Variants in TUSC3 observed in about 807,000 individuals in gnomAD.
TUSC3 encodes the protein tumor suppressor candidate 3.
TUSC3 carries 45 observed loss-of-function variants against 44.8 expected under a neutral mutation model. The ratio of observed to expected loss-of-function variants is 1.00; its 90% CI spans 0.79 to 1.29. TUSC3 has a LOEUF of 1.29. TUSC3 is among the 50% of genes most tolerant of loss of function. TUSC3 has a pLI of 0.00. For missense variants in TUSC3, 519 were observed against 437.9 expected, an observed-to-expected ratio of 1.19 and a Z score of -1.65; for synonymous variants, 212 against 152.9, an observed-to-expected ratio of 1.39 and a Z score of -2.85.
At chr8:15,806,356 A>G in the TUSC3 span, 3 of 733,462 alleles carry the variant, frequency 4.1e-6, no homozygotes, top group Non-Finnish European at 7.8e-6. Context: ...TCTACTCTGC[A>G]TTCCAGGTAC....
the TUSC3 span, among the ~76,000 whole-genome samples, chr8:15,836,932 A>G: frequency 1.3e-5 from 2 of 152,192 alleles, no homozygotes; most frequent in Admixed American, 6.5e-5. Flanking sequence ...ACACTGTTAT[A>G]TAACTGCAAT....
intron 1 of TUSC3, among the ~76,000 whole-genome samples, chr8:15,481,024 G>A (rs1800652422): frequency 6.6e-6 from 1 of 152,096 alleles, no homozygotes; most frequent in African/African-American, 2.4e-5. Context: ...AAGGTGGGCA[G>A]ATCATTTGAG....
intron 1 of TUSC3, among the ~76,000 whole-genome samples, chr8:15,588,793 C>G (rs1185346914): frequency 6.6e-6 from 1 of 152,132 alleles, no homozygotes; most frequent in East Asian, 1.9e-4. Context: ...TTTCCCCGCA[C>G]TATTTATTGA....
chr8:15,638,117 T>G (rs1459421969), intron 2 of TUSC3, among the ~76,000 whole-genome samples: 3 of 152,164 alleles, frequency 2.0e-5, no homozygotes, highest in Non-Finnish European at 4.4e-5. Flanking sequence ...TCTCAGTGTT[T>G]TCAAATTCAG....
At chr8:15,607,753 A>G (rs2129157433) in intron 1 of TUSC3, among the ~76,000 whole-genome samples, 2 of 152,310 alleles carry the variant, frequency 1.3e-5, no homozygotes, top group South Asian at 2.1e-4. Flanking sequence ...TTCAATATGC[A>G]TAACATGAAC....
downstream of TUSC3, among the ~76,000 whole-genome samples, chr8:15,768,767 G>GA (rs1177644946): frequency 6.6e-6 from 1 of 151,948 alleles, no homozygotes; most frequent in Non-Finnish European, 1.5e-5. Flanking sequence ...ATCAATGTGC[G>GA]AAAACCACAA....
chr8:15,825,684 T>G, the TUSC3 span, among the ~76,000 whole-genome samples: 1 of 152,102 alleles, frequency 6.6e-6, no homozygotes, highest in Non-Finnish European at 1.5e-5. Flanking sequence ...TACATACAAA[T>G]AAGTGCCTTG....
intron 9 of TUSC3, among the ~76,000 whole-genome samples, chr8:15,753,169 GTTCT>G (rs1167364308): frequency 6.6e-6 from 1 of 151,734 alleles, no homozygotes; most frequent in Non-Finnish European, 1.5e-5. Flanking sequence ...TCTGAGATTT[GTTCT>G]TTCTTATCTG....
chr8:15,729,972 AT>A (rs943074826), intron 6 of TUSC3, among the ~76,000 whole-genome samples: 35 of 151,636 alleles, frequency 2.3e-4, no homozygotes, highest in South Asian at 2.1e-4. Flanking sequence ...CCAAGGTGTT[AT>A]TTTTTTTCTC....
chr8:15,457,299 T>A (rs1325512563), intron 1 of TUSC3, among the ~76,000 whole-genome samples: 1 of 151,820 alleles, frequency 6.6e-6, no homozygotes, highest in Non-Finnish European at 1.5e-5. Flanking sequence ...ACAAGTACCC[T>A]AGAACTTAAA....
At chr8:15,810,802 G>T in the TUSC3 span, among the ~76,000 whole-genome samples, 1 of 152,162 alleles carries the variant, frequency 6.6e-6, no homozygotes, top group Non-Finnish European at 1.5e-5. Flanking sequence ...CTCCGTTAAG[G>T]TCTTCCATTG....
At chr8:15,569,909 T>TAAAA (rs371587958) in intron 1 of TUSC3, among the ~76,000 whole-genome samples, 23,513 of 152,036 alleles carry the variant, frequency 0.15, 2,189 homozygotes, top group Non-Finnish European at 0.21. Context: ...CTCTAATTTT[T>TAAAA]AAATTCAGCA....
chr8:15,572,651 T>C (rs1450971309), intron 1 of TUSC3, among the ~76,000 whole-genome samples: 1 of 152,154 alleles, frequency 6.6e-6, no homozygotes, highest in Non-Finnish European at 1.5e-5. Context: ...AGTTTAATCA[T>C]TTTTAGCTTT....
chr8:15,662,654 C>A (rs1356449232), intron 5 of TUSC3, among the ~76,000 whole-genome samples: 1 of 151,920 alleles, frequency 6.6e-6, no homozygotes, highest in African/African-American at 2.4e-5. Flanking sequence ...TATTTCTTTT[C>A]TGACAACTGT....
upstream of TUSC3, among the ~76,000 whole-genome samples, chr8:15,537,628 A>G (rs1374470377): frequency 6.6e-6 from 1 of 152,220 alleles, no homozygotes; most frequent in African/African-American, 2.4e-5. Context: ...GGAGACAGAA[A>G]ACAAATCCCT....
At chr8:15,605,756 C>G (rs1804493210) in intron 1 of TUSC3, among the ~76,000 whole-genome samples, 1 of 151,988 alleles carries the variant, frequency 6.6e-6, no homozygotes, top group South Asian at 2.1e-4. Flanking sequence ...AGTTACAAAT[C>G]ACACATGACA....
rs573667741 is a variant in TUSC3, at chr8:15,747,717, A to G, written c.938-658A>G. Among the ~76,000 whole-genome samples the G allele has an allele frequency of 1.8e-4, 27 of 152,224 alleles. No individual in the cohort carries two copies. In the South Asian group the frequency reaches 5.6e-3, roughly 32 times the overall value. ...GAGGAATATTGAAAACCTAGACCGC[A>G]GCACATTCGACTATAACATATGTCC... On this transcript the variant is annotated intron_variant, in intron 8 of 10. Coordinates refer to ENST00000503731, the MANE Select transcript of TUSC3 (RefSeq NM_006765.4).
upstream of TUSC3, among the ~76,000 whole-genome samples, chr8:15,538,186 G>A (rs887898669): frequency 1.3e-5 from 2 of 152,132 alleles, no homozygotes; most frequent in South Asian, 2.1e-4. Context: ...GACCAAATAA[G>A]GCAAACGTAG....
At chr8:15,799,824 G>A in the TUSC3 span, among the ~76,000 whole-genome samples, 4 of 152,190 alleles carry the variant, frequency 2.6e-5, no homozygotes, top group South Asian at 4.1e-4. Flanking sequence ...CATGGATGTC[G>A]ATAGACCTCA....
Sources: gnomAD v4.1 joint callset for allele counts (sites outside exome capture counted in the v4.1 genomes callset) on GRCh38, gnomAD v4.1.1 for gene constraint, MANE v1.5 for transcripts, NCBI Gene and HGNC (gene_info 2026-07-23, HGNC 2026-07-21) for gene names.